The following CYP2B6 variants were observed in gnomAD, a reference collection of about 807,000 sequenced individuals.
The protein encoded by CYP2B6 is cytochrome P450 2B6.
In CYP2B6, 35 loss-of-function variants were observed where a neutral mutation model predicts 43.4. The ratio of observed to expected loss-of-function variants is 0.81; its 90% confidence interval spans 0.62 to 1.07. CYP2B6 has a LOEUF of 1.07. Among genes scored for constraint, CYP2B6 ranks in the 50% least tolerant of loss-of-function variants. The pLI, the probability that CYP2B6 is intolerant of heterozygous loss-of-function variation, is 0.00. For synonymous variants in CYP2B6, 239 were observed against 239.2 expected, an observed-to-expected ratio of 1.00 and a Z score of 0.01; for missense variants, 624 against 632.8, an observed-to-expected ratio of 0.99 and a Z score of 0.15.
chr19:41,004,163 G>T lies in CYP2B6; in HGVS notation c.334G>T (p.Gly112Cys). Residue 112 changes from glycine to cysteine, a missense_variant and splice_region_variant, in exon 2 of 9, where the codon GGT becomes TGT. Coordinates refer to ENST00000324071, the MANE Select transcript of CYP2B6 (RefSeq NM_000767.5). The stretch of plus-strand genomic sequence containing the variant: ...GGTCGACCCATTCTTCCGGGGATAT[G>T]GTGAGAGCCTCAGAGGCACTGGGAG... ...AMVDPFFRGYGVIFANGNRWK... is the reference protein window; with the variant it reads ...AMVDPFFRGYCVIFANGNRWK... 1 of 1,605,588 alleles carries T rather than the reference G, an allele frequency of 6.2e-7. No homozygotes were observed. Among genetic ancestry groups the T allele is most frequent in the Non-Finnish European group, 8.5e-7 (1 of 1,174,660 alleles).
intron 1 of CYP2B6, among the ~76,000 whole-genome samples, chr19:40,995,555 C>T (rs1968987860): frequency 6.6e-6 from 1 of 152,176 alleles, no homozygotes; most frequent in African/African-American, 2.4e-5. Flanking sequence ...TCATCAATGA[C>T]TCATTTTACC....
chr19:41,012,229 C>A lies in CYP2B6; in HGVS notation c.965-69C>A. 3 of 1,481,476 alleles carry A rather than the reference C, an allele frequency of 2.0e-6. No homozygotes were observed. In the South Asian group the frequency reaches 3.5e-5, roughly 17 times the overall value. The allele number at this position is 1,481,476 out of a possible 1,614,324, so 91.8% of individuals were successfully genotyped here. ...CCTCCAAAATTGCTGGGATTACAGG[C>A]ATGAGCCACCATGCCTGGCCTGAAA... On this transcript the variant is annotated intron_variant, in intron 6 of 8. Coordinates refer to ENST00000324071, the MANE Select transcript of CYP2B6 (RefSeq NM_000767.5).
intron 3 of CYP2B6, 91 bp downstream of exon 3, chr19:41,004,537 G>A (rs34544288): frequency 2.9e-4 from 426 of 1,466,820 alleles, no homozygotes; most frequent in Non-Finnish European, 3.9e-4. Flanking sequence ...GGTATATAAG[G>A]GCACAGACAG....
In CYP2B6 at chr19:41,009,047, T is replaced by C. The variant is rs895562237; in HGVS notation, c.646-172T>C. Among the ~76,000 whole-genome samples, 4 of 147,096 alleles carry C rather than the reference T, an allele frequency of 2.7e-5. No individual in the cohort carries two copies. The Admixed American group carries it at 2.7e-4, about 10-fold the overall frequency. On this transcript the variant is annotated intron_variant, in intron 4 of 8. Transcript: ENST00000324071. ...TGAGGGAGGAAGATGCAGAAAGAGG[T>C]AAATGTGAGATAGATCAAAGGAGAT...
chr19:40,997,229 A>G (rs1179514611), intron 1 of CYP2B6, among the ~76,000 whole-genome samples: 2 of 151,990 alleles, frequency 1.3e-5, no homozygotes, highest in Admixed American at 6.6e-5. Context: ...AACAGTACAC[A>G]TAGTGCCCTA....
intron 1 of CYP2B6, among the ~76,000 whole-genome samples, chr19:40,995,223 G>A (rs561567092): frequency 2.0e-5 from 3 of 152,124 alleles, no homozygotes; most frequent in Non-Finnish European, 4.4e-5. Context: ...AAAGCTGTCC[G>A]CATATAAGAT....
intron 8 of CYP2B6, 31 bp from the exon 9 acceptor site, chr19:41,016,615 T>C (rs1257821166): frequency 3.1e-6 from 5 of 1,613,508 alleles, no homozygotes; most frequent in Non-Finnish European, 3.4e-6. Flanking sequence ...ACCTGCCCTG[T>C]GCCCACACTG....
chr19:40,996,972 G>C (rs759305629), intron 1 of CYP2B6, among the ~76,000 whole-genome samples: 34 of 152,248 alleles, frequency 2.2e-4, no homozygotes, highest in Non-Finnish European at 3.7e-4. Context: ...TGTCCTTGGA[G>C]GGGTGAATGG....
intron 3 of CYP2B6, among the ~76,000 whole-genome samples, chr19:41,005,705 T>C (rs1330210748): frequency 6.6e-6 from 1 of 151,844 alleles, no homozygotes; most frequent in African/African-American, 2.4e-5. Context: ...TGATTGAGCC[T>C]GGGAAATGGA....
At chr19:41,016,555 A>G (rs989185037) in intron 8 of CYP2B6, 91 bp from the exon 9 acceptor site, 4 of 1,352,968 alleles carry the variant, frequency 3.0e-6, no homozygotes, top group African/African-American at 1.4e-5. Flanking sequence ...AATCTGTTGC[A>G]GTGGACATTT....
chr19:41,012,612 G>C (rs565577961), intron 7 of CYP2B6, 62 bp from the exon 8 acceptor site: 11 of 1,610,794 alleles, frequency 6.8e-6, no homozygotes, highest in Non-Finnish European at 9.3e-6. Context: ...TTTCTTTTTT[G>C]TGGAGTGTGT....
intron 1 of CYP2B6, among the ~76,000 whole-genome samples, chr19:41,001,742 A>G (rs1208144360): frequency 6.1e-4 from 93 of 152,288 alleles, no homozygotes; most frequent in African/African-American, 2.2e-3. Flanking sequence ...TAGTCTAGGA[A>G]TTGATGATGT....
chr19:41,017,165 C>A lies in CYP2B6; in HGVS notation c.*338C>A. The A allele has an allele frequency of 1.1e-5, 2 of 176,198 alleles. No individual in the cohort carries two copies. Among genetic ancestry groups the A allele is most frequent in the South Asian group, 1.3e-4 (1 of 7,616 alleles). The allele number at this position is 176,198 out of a possible 1,614,324, so 10.9% of individuals were successfully genotyped here. A position where few individuals can be genotyped will look rare whatever the true frequency, so the allele number is the denominator to read the frequency against. ...TCAAGCAACTCTCCTGCCTCAGCCT[C>A]CCTAGTAGCTGGGATTACAGGCATG... On this transcript the variant is annotated 3_prime_UTR_variant, in exon 9 of 9. Coordinates refer to ENST00000324071, the MANE Select transcript of CYP2B6 (RefSeq NM_000767.5).
At chr19:41,005,806 AT>A (rs1381308035) in intron 3 of CYP2B6, among the ~76,000 whole-genome samples, 72 of 151,866 alleles carry the variant, frequency 4.7e-4, no homozygotes, top group African/African-American at 1.7e-3. Context: ...TAATAATAAA[AT>A]AAAGAACGGC....
intron 1 of CYP2B6, among the ~76,000 whole-genome samples, chr19:41,001,825 A>T (rs111481143): frequency 7.6e-4 from 115 of 152,304 alleles, no homozygotes; most frequent in African/African-American, 2.7e-3. Flanking sequence ...TAAGCAAAAA[A>T]TAAACAGATA....
chr19:41,008,048 CCTCT>C (rs569499506), intron 4 of CYP2B6, among the ~76,000 whole-genome samples: 4,324 of 151,740 alleles, frequency 0.028, 213 homozygotes, highest in African/African-American at 0.098. Context: ...TCTCCTTCTC[CCTCT>C]GTGTTTTTTT....
rs34677607 is a variant in CYP2B6 at position 41,012,992 on chromosome 19, T to G, written c.1294+177T>G. 5.9e-3 allele frequency: 4,576 copies of G among 772,638 alleles called. 19 individuals are homozygous for G. The highest frequency in any genetic ancestry group is 6.3e-3 in the Non-Finnish European group (2,908 of 458,710). 47.9% of individuals were successfully genotyped at this position (772,638 alleles called of 1,614,324 possible). On this transcript the variant is annotated intron_variant, in intron 8 of 8. Coordinates refer to ENST00000324071, the MANE Select transcript of CYP2B6 (RefSeq NM_000767.5). ...TATAAGGAGGCTTGAGAAAGAAGATTACATTCCCAAAGGCACATCTTGGCA... is the reference window on the plus strand; with the variant it reads ...TATAAGGAGGCTTGAGAAAGAAGATGACATTCCCAAAGGCACATCTTGGCA...
intron 1 of CYP2B6, among the ~76,000 whole-genome samples, chr19:40,997,968 G>A (rs1200704705): frequency 6.6e-6 from 1 of 152,058 alleles, no homozygotes; most frequent in African/African-American, 2.4e-5. Flanking sequence ...CAGGCATGGT[G>A]GCATGTGCCT....
intron 1 of CYP2B6, among the ~76,000 whole-genome samples, chr19:40,997,573 A>G (rs1196704181): frequency 2.0e-5 from 3 of 152,164 alleles, no homozygotes; most frequent in African/African-American, 7.2e-5. Flanking sequence ...ATACATGGAC[A>G]TACAAATGAT....
Sources: allele counts gnomAD v4.1 joint callset (sites outside exome capture counted in the v4.1 genomes callset), GRCh38; gene constraint gnomAD v4.1.1; transcripts MANE v1.5; gene names NCBI Gene and HGNC (gene_info 2026-07-23, HGNC 2026-07-21).